The following TULP4 variants were observed in gnomAD, a reference collection of about 807,000 sequenced individuals.
The protein encoded by TULP4 is TUB like protein 4.
A neutral mutation model predicts 129.0 loss-of-function variants in TULP4; 16 were observed. That is an observed-to-expected ratio of 0.12 (90% CI 0.08 to 0.19). TULP4 has a LOEUF of 0.19. Ranked by LOEUF, TULP4 falls within the 10% of genes least tolerant of loss-of-function variation. The pLI is 1.00. For missense variants in TULP4, 1,842 were observed against 2,059.1 expected (o/e 0.89, Z 2.04); for synonymous variants, 998 against 854.0 (o/e 1.17, Z -2.94).
At chr6:158,444,151 C>G (rs1323849161) in intron 3 of TULP4, among the ~76,000 whole-genome samples, 1 of 118,652 alleles carries the variant, frequency 8.4e-6, no homozygotes, top group South Asian at 2.9e-4. Context: ...ACCTGGGAGG[C>G]AGAGGTTGCA....
chr6:158,300,529 G>A (rs562411135), intron 1 of TULP4, among the ~76,000 whole-genome samples: 7 of 152,246 alleles, frequency 4.6e-5, no homozygotes, highest in Non-Finnish European at 1.5e-5. Context: ...CTGGTAATAC[G>A]GGAAATTCCC....
chr6:158,470,724 A>G (rs1425123321), intron 6 of TULP4, among the ~76,000 whole-genome samples: 1 of 152,260 alleles, frequency 6.6e-6, no homozygotes, highest in Non-Finnish European at 1.5e-5. Flanking sequence ...TTAAGGTCAA[A>G]AATGGTCTCA....
intron 1 of TULP4, among the ~76,000 whole-genome samples, chr6:158,267,916 A>G (rs1003453836): frequency 6.6e-6 from 1 of 151,982 alleles, no homozygotes; most frequent in African/African-American, 2.4e-5. Context: ...TGTCTTCTAG[A>G]AATTGAGAAG....
Position 158,430,470 on chromosome 6 carries a change from C to T in TULP4, c.543+573C>T, listed in dbSNP as rs149867545. On this transcript the variant is annotated intron_variant, in intron 3 of 13. Coordinates refer to ENST00000367097, the MANE Select transcript of TULP4 (RefSeq NM_020245.5). ...GATAATTCATTTTGGAGGCCAGGCA[C>T]GGTGGCTCACGCCTGTAATCCCAAC... is the stretch of plus-strand genomic sequence containing the variant. 9.7e-3 allele frequency among the ~76,000 whole-genome samples: 1,475 copies of T among 152,210 alleles called. 27 individuals carry two copies. The highest frequency in any genetic ancestry group is 0.032 in the African/African-American group (1,346 of 41,544).
At chr6:158,469,365 C>T (rs1431772166) in intron 6 of TULP4, among the ~76,000 whole-genome samples, 1 of 151,962 alleles carries the variant, frequency 6.6e-6, no homozygotes, top group Non-Finnish European at 1.5e-5. Flanking sequence ...CCTCCACCTC[C>T]TGGGTTCAAG....
At chr6:158,404,651 C>T (rs185810601) in intron 1 of TULP4, among the ~76,000 whole-genome samples, 4,428 of 151,974 alleles carry the variant, frequency 0.029, 83 homozygotes, top group Non-Finnish European at 0.042. Flanking sequence ...TGGTGCACGC[C>T]TGTAATCCCA....
At chr6:158,396,197 ATTATTATTG>A (rs1425805559) in intron 1 of TULP4, among the ~76,000 whole-genome samples, 1 of 152,186 alleles carries the variant, frequency 6.6e-6, no homozygotes, top group African/African-American at 2.4e-5. Flanking sequence ...AGCTGCCATT[ATTATTATTG>A]TTGTTCTTTG....
chr6:158,440,156 CA>C (rs1778853596), intron 3 of TULP4, among the ~76,000 whole-genome samples: 1 of 151,522 alleles, frequency 6.6e-6, no homozygotes, highest in East Asian at 2.0e-4. Context: ...CCTGTCTCTA[CA>C]AAAAATACAA....
intron 9 of TULP4, among the ~76,000 whole-genome samples, chr6:158,490,410 AT>A (rs1345994397): frequency 6.6e-6 from 1 of 152,176 alleles, no homozygotes; most frequent in Non-Finnish European, 1.5e-5. Flanking sequence ...TAAATAAATA[AT>A]AAATAAATGC....
rs188392561 is a variant in TULP4 at position 158,432,206 on chromosome 6, T to C, written c.543+2309T>C. On this transcript the variant is annotated intron_variant, in intron 3 of 13. Coordinates refer to ENST00000367097, the MANE Select transcript of TULP4 (RefSeq NM_020245.5). ...AACATGTGTATCAGGCACTCAGTCT[T>C]GTTTGAACTGAGACATAGAGCAGGA... 1.1e-4 allele frequency among the ~76,000 whole-genome samples: 17 copies of C among 151,820 alleles called. No individual in the cohort carries two copies. The East Asian group carries it at 1.7e-3, about 16-fold the overall frequency.
chr6:158,509,804 T>C lies in TULP4; in HGVS notation c.*3110T>C, dbSNP rs1780694822. The C allele has an allele frequency of 6.6e-6, 1 of 152,230 alleles. No individual in the cohort carries two copies. Among genetic ancestry groups the C allele is most frequent in the Admixed American group, 6.5e-5 (1 of 15,276 alleles). 9.4% of individuals were successfully genotyped at this position (152,230 alleles called of 1,614,324 possible). On this transcript the variant is annotated 3_prime_UTR_variant, in exon 14 of 14. Coordinates refer to ENST00000367097, the MANE Select transcript of TULP4 (RefSeq NM_020245.5). Reference sequence around the variant, plus strand: ...CTCCTGCGCCAAGGCAGACACAAGCTGCGGGCTGTGCGGTCCTAGTAGTGT... The same window carrying C: ...CTCCTGCGCCAAGGCAGACACAAGCCGCGGGCTGTGCGGTCCTAGTAGTGT...
chr6:158,243,847 GGT>G (rs57298904), intron 1 of TULP4, among the ~76,000 whole-genome samples: 29,236 of 143,380 alleles, frequency 0.2, 3,204 homozygotes, highest in East Asian at 0.36. Context: ...AGCTGAAATA[GGT>G]GTGTGTGTGT....
intron 1 of TULP4, among the ~76,000 whole-genome samples, chr6:158,283,138 CAA>C (rs11328037): frequency 1.3e-4 from 16 of 120,408 alleles, no homozygotes; most frequent in African/African-American, 1.9e-4. Flanking sequence ...GACTCCGTCT[CAA>C]AAAAAAAAAA....
chr6:158,281,793 C>A (rs922481159), upstream of TULP4, among the ~76,000 whole-genome samples: 4 of 152,124 alleles, frequency 2.6e-5, no homozygotes, highest in East Asian at 1.9e-4. Flanking sequence ...TAATTGTAAA[C>A]CCTGTTTTTA....
chr6:158,474,242 G>A (rs996852536), intron 6 of TULP4, among the ~76,000 whole-genome samples: 3 of 152,172 alleles, frequency 2.0e-5, no homozygotes, highest in Non-Finnish European at 4.4e-5. Context: ...GCTACAGAAA[G>A]AACAAACAAA....
rs76183167 is a variant in TULP4, at chr6:158,318,663, C to G, written c.252+4395C>G. On this transcript the variant is annotated intron_variant, in intron 1 of 13. Transcript: ENST00000367097. ...ATTTTCTTATAACTTGTGTTAAATACAAGTCTATAACTTGTGTTAAATACA... is the reference window on the plus strand; with the variant it reads ...ATTTTCTTATAACTTGTGTTAAATAGAAGTCTATAACTTGTGTTAAATACA... Among the ~76,000 whole-genome samples, 1,477 of 152,220 alleles carry G rather than the reference C, an allele frequency of 9.7e-3. 20 individuals are homozygous for G. Among genetic ancestry groups the G allele is most frequent in the East Asian group, 0.044 (229 of 5,186 alleles).
At chr6:158,310,149 A>G (rs866216782), upstream of TULP4, among the ~76,000 whole-genome samples, 1 of 152,030 alleles carries the variant, frequency 6.6e-6, no homozygotes, top group Middle Eastern at 3.2e-3. Flanking sequence ...ATTTATAAAG[A>G]AAATTGTTTT....
At chr6:158,233,751 A>T (rs1777640359) in intron 1 of TULP4, among the ~76,000 whole-genome samples, 1 of 152,232 alleles carries the variant, frequency 6.6e-6, no homozygotes, top group Admixed American at 6.5e-5. Flanking sequence ...CTGGCATGGA[A>T]GTGATGATAT....
chr6:158,369,621 A>G (rs827993), intron 1 of TULP4, among the ~76,000 whole-genome samples: 1 of 152,012 alleles, frequency 6.6e-6, no homozygotes, highest in African/African-American at 2.4e-5. Flanking sequence ...ACATTTTCAC[A>G]TGAGATTTTC....
Sources: gnomAD v4.1 joint callset for allele counts (sites outside exome capture counted in the v4.1 genomes callset) on GRCh38, gnomAD v4.1.1 for gene constraint, MANE v1.5 for transcripts, NCBI Gene and HGNC (gene_info 2026-07-23, HGNC 2026-07-21) for gene names.